NEBL: variants seen among roughly 807,000 people sequenced by gnomAD.
The protein encoded by NEBL is LIM and SH3 protein 2.
In NEBL, 122 loss-of-function variants were observed where a neutral mutation model predicts 140.2. The ratio of observed to expected loss-of-function variants is 0.87; its 90% confidence interval spans 0.75 to 1.01. The LOEUF (loss-of-function observed/expected upper bound fraction) is 1.01, where lower values mean the gene tolerates loss of function less well. Among genes scored for constraint, NEBL ranks in the 50% least tolerant of loss-of-function variants. NEBL has a pLI of 0.00. For missense variants in NEBL, 1,365 were observed against 1,231.3 expected, an observed-to-expected ratio of 1.11 and a Z score of -1.62; for synonymous variants, 436 against 398.9, an observed-to-expected ratio of 1.09 and a Z score of -1.11.
intron 9 of NEBL, among the ~76,000 whole-genome samples, chr10:20,853,954 T>C (rs1056908884): frequency 6.6e-6 from 1 of 152,232 alleles, no homozygotes; most frequent in African/African-American, 2.4e-5. Context: ...TTATCCTAAT[T>C]TGATCAATAC....
chr10:21,188,687 G>A (rs1376389780), intron 3 of NEBL, among the ~76,000 whole-genome samples: 3 of 143,056 alleles, frequency 2.1e-5, no homozygotes, highest in East Asian at 2.1e-4. Flanking sequence ...TGCAACCTCC[G>A]CCTCCCGGGT....
At chr10:20,813,155 G>A (rs1838344930) in intron 23 of NEBL, among the ~76,000 whole-genome samples, 1 of 151,058 alleles carries the variant, frequency 6.6e-6, no homozygotes, top group Admixed American at 6.6e-5. Flanking sequence ...AATCATTATA[G>A]CTCATATCTA....
At chr10:21,253,420 C>T (rs1427577891) in intron 1 of NEBL, among the ~76,000 whole-genome samples, 4 of 152,016 alleles carry the variant, frequency 2.6e-5, no homozygotes, top group East Asian at 3.9e-4. Flanking sequence ...CAAATTTTTG[C>T]GAGCCATGGC....
intron 1 of NEBL, among the ~76,000 whole-genome samples, chr10:21,256,366 C>T (rs1842660362): frequency 6.6e-6 from 1 of 152,180 alleles, no homozygotes; most frequent in Non-Finnish European, 1.5e-5. Context: ...TCACACCCAG[C>T]CTCTTTTTAT....
chr10:20,853,453 T>C lies in NEBL; in HGVS notation c.904-804A>G, dbSNP rs139553985. On this transcript the variant is annotated intron_variant, in intron 9 of 27. Coordinates refer to ENST00000377122, the MANE Select transcript of NEBL (RefSeq NM_006393.3). The stretch of plus-strand genomic sequence containing the variant: ...ATGAATAAAGAAAATGTGGCACATA[T>C]ACACAACGGAATACTATACAGCCAC... Among the ~76,000 whole-genome samples the C allele has an allele frequency of 2.3e-3, 345 of 152,248 alleles. 1 individual carries two copies. Among genetic ancestry groups the C allele is most frequent in the African/African-American group, 8.0e-3 (331 of 41,538 alleles).
chr10:21,172,316 G>T, intron 2 of NEBL: 1 of 1,251,358 alleles, frequency 8.0e-7, no homozygotes, highest in Non-Finnish European at 1.2e-6. Flanking sequence ...CTTCAAAACA[G>T]GCAGGTCCAC....
At chr10:21,069,738 C>T (rs1445735370) in intron 2 of NEBL, among the ~76,000 whole-genome samples, 1 of 152,218 alleles carries the variant, frequency 6.6e-6, no homozygotes, top group Non-Finnish European at 1.5e-5. Context: ...TGCTAAGGAT[C>T]ACTGTTTCTA....
upstream of NEBL, chr10:20,897,601 A>G (rs185823135): frequency 8.7e-4 from 834 of 955,954 alleles, no homozygotes; most frequent in Middle Eastern, 3.2e-3. Context: ...CTAACACTCA[A>G]GATAGCACAG....
intron 2 of NEBL, among the ~76,000 whole-genome samples, chr10:21,074,688 C>T (rs189179707): frequency 6.6e-6 from 1 of 152,124 alleles, no homozygotes; most frequent in East Asian, 1.9e-4. Flanking sequence ...CTGTGTTAGC[C>T]AGGATGATCT....
chr10:20,838,695 A>C (rs1352249856), intron 13 of NEBL, among the ~76,000 whole-genome samples: 1 of 152,130 alleles, frequency 6.6e-6, no homozygotes, highest in Non-Finnish European at 1.5e-5. Context: ...GGCAAACTTC[A>C]TTGTCATCTT....
At chr10:21,152,696 G>A (rs1374635618) in intron 2 of NEBL, among the ~76,000 whole-genome samples, 2 of 151,984 alleles carry the variant, frequency 1.3e-5, no homozygotes, top group Non-Finnish European at 2.9e-5. Context: ...ATTATACTTG[G>A]TTCAAGCACA....
intron 18 of NEBL, among the ~76,000 whole-genome samples, chr10:20,825,937 T>C (rs955179685): frequency 6.6e-6 from 1 of 152,190 alleles, no homozygotes; most frequent in Non-Finnish European, 1.5e-5. Flanking sequence ...TAAAACAGGC[T>C]GGAAAGAAGA....
chr10:20,855,962 A>G (rs1217891897), intron 9 of NEBL, among the ~76,000 whole-genome samples: 1 of 152,238 alleles, frequency 6.6e-6, no homozygotes, highest in Non-Finnish European at 1.5e-5. Context: ...AAAATGTTAA[A>G]GTAGGCTATT....
intron 4 of NEBL, among the ~76,000 whole-genome samples, chr10:20,911,778 T>C (rs946298066): frequency 1.3e-5 from 2 of 152,226 alleles, no homozygotes; most frequent in African/African-American, 4.8e-5. Flanking sequence ...CAGTGGGAAA[T>C]TAAATTCTGA....
chr10:20,873,257 A>G (rs1217742807), intron 5 of NEBL, among the ~76,000 whole-genome samples: 1 of 152,166 alleles, frequency 6.6e-6, no homozygotes, highest in African/African-American at 2.4e-5. Context: ...AATGCTAACC[A>G]TATTGGAACA....
chr10:21,280,635 T>TTTTTC (rs1174671298), intron 1 of NEBL, among the ~76,000 whole-genome samples: 3 of 147,394 alleles, frequency 2.0e-5, no homozygotes, highest in Non-Finnish European at 3.0e-5. Context: ...TTTTTTTTTT[T>TTTTTC]TTTTGCCTAT....
At chr10:20,860,253 A>G (rs1843540032) in intron 7 of NEBL, among the ~76,000 whole-genome samples, 1 of 152,106 alleles carries the variant, frequency 6.6e-6, no homozygotes, top group Non-Finnish European at 1.5e-5. Context: ...CATGACGTGT[A>G]CCACAGTTTT....
chr10:21,238,538 GAA>G (rs1210852318), intron 3 of NEBL, among the ~76,000 whole-genome samples: 4 of 135,426 alleles, frequency 3.0e-5, no homozygotes, highest in Admixed American at 7.5e-5. Context: ...CATCTCTACT[GAA>G]AAAAAAAAAA....
intron 4 of NEBL, among the ~76,000 whole-genome samples, chr10:20,923,682 A>AAAAAAAG (rs1357715811): frequency 6.7e-6 from 1 of 148,184 alleles, no homozygotes; most frequent in African/African-American, 2.5e-5. Flanking sequence ...AAAAAAAAAA[A>AAAAAAAG]AAAAAAAAAA....
Sources: allele counts gnomAD v4.1 joint callset (sites outside exome capture counted in the v4.1 genomes callset), GRCh38; gene constraint gnomAD v4.1.1; transcripts MANE v1.5; gene names NCBI Gene and HGNC (gene_info 2026-07-23, HGNC 2026-07-21).